Variants in IFT56 observed in about 807,000 individuals in gnomAD.
IFT56 encodes intraflagellar transport protein 56.
At chr7:139,160,144 C>T in the IFT56 span, among the ~76,000 whole-genome samples, 2 of 152,076 alleles carry the variant, frequency 1.3e-5, no homozygotes, top group African/African-American at 4.8e-5. Flanking sequence ...GACATGCACT[C>T]CCAACTATGA....
chr7:139,157,993 G>C, the IFT56 span, among the ~76,000 whole-genome samples: 2 of 152,038 alleles, frequency 1.3e-5, no homozygotes, highest in African/African-American at 4.8e-5. Flanking sequence ...GCCAAAGCAT[G>C]AGGAGTATGC....
the IFT56 span, among the ~76,000 whole-genome samples, chr7:139,172,308 G>A: frequency 2.0e-5 from 3 of 152,178 alleles, no homozygotes; most frequent in Non-Finnish European, 2.9e-5. Context: ...CAAGTGTTGT[G>A]TCAGAGCACT....
At chr7:139,151,075 G>C in the IFT56 span, among the ~76,000 whole-genome samples, 1 of 152,198 alleles carries the variant, frequency 6.6e-6, no homozygotes. Context: ...CTGCTTATTT[G>C]TTGAATGAGA....
the IFT56 span, among the ~76,000 whole-genome samples, chr7:139,144,852 A>G: frequency 4.4e-4 from 67 of 152,192 alleles, no homozygotes; most frequent in African/African-American, 1.5e-3. Flanking sequence ...TCTTAAATAT[A>G]TTGATAATAA....
At chr7:139,176,875 C>G in the IFT56 span, among the ~76,000 whole-genome samples, 1 of 151,928 alleles carries the variant, frequency 6.6e-6, no homozygotes, top group East Asian at 1.9e-4. Flanking sequence ...GCAGATGGAT[C>G]AGAAACACTA....
the IFT56 span, among the ~76,000 whole-genome samples, chr7:139,162,131 C>T: frequency 6.6e-6 from 1 of 152,084 alleles, no homozygotes; most frequent in Non-Finnish European, 1.5e-5. Context: ...GAAGGAGTAT[C>T]AACAAATGAA....
At chr7:139,174,288 CCCA>C in the IFT56 span, 4 of 565,484 alleles carry the variant, frequency 7.1e-6, no homozygotes, top group Non-Finnish European at 1.4e-5. Flanking sequence ...GGCAGGGCGT[CCCA>C]CGGGAGCCCA....
At chr7:139,137,999 AT>A in the IFT56 span, 1 of 999,220 alleles carries the variant, frequency 1.0e-6, no homozygotes, top group Admixed American at 2.1e-5. Flanking sequence ...ATTAAACTTT[AT>A]ATTATAATAA....
At chr7:139,143,793 A>G in the IFT56 span, among the ~76,000 whole-genome samples, 2 of 151,760 alleles carry the variant, frequency 1.3e-5, no homozygotes, top group Non-Finnish European at 2.9e-5. Flanking sequence ...TTTTGGATTG[A>G]TTTTTAAAAC....
chr7:139,171,922 A>G, the IFT56 span, among the ~76,000 whole-genome samples: 1 of 152,200 alleles, frequency 6.6e-6, no homozygotes, highest in African/African-American at 2.4e-5. Context: ...ATCTCAAACA[A>G]GAAACACAAT....
chr7:139,140,529 C>T, the IFT56 span, among the ~76,000 whole-genome samples: 1 of 151,994 alleles, frequency 6.6e-6, no homozygotes, highest in African/African-American at 2.4e-5. Context: ...CCTGTAATCC[C>T]AGCACTTTGG....
At chr7:139,135,564 A>G in the IFT56 span, among the ~76,000 whole-genome samples, 51 of 152,322 alleles carry the variant, frequency 3.3e-4, no homozygotes, top group Middle Eastern at 3.4e-3. Context: ...CTTTTAATAT[A>G]CATTGGAATT....
At chr7:139,148,850 G>A in the IFT56 span, among the ~76,000 whole-genome samples, 7 of 152,020 alleles carry the variant, frequency 4.6e-5, no homozygotes, top group African/African-American at 1.7e-4. Context: ...TCAGTGAGCC[G>A]AGATTGAGCC....
chr7:139,139,113 C>T, the IFT56 span, among the ~76,000 whole-genome samples: 16 of 152,078 alleles, frequency 1.1e-4, no homozygotes, highest in Non-Finnish European at 2.1e-4. Flanking sequence ...CGCCCAGCCA[C>T]ATTTCCTACA....
chr7:139,151,799 C>T, the IFT56 span, among the ~76,000 whole-genome samples: 8 of 152,202 alleles, frequency 5.3e-5, no homozygotes, highest in Non-Finnish European at 1.0e-4. Context: ...CAGTGGCTCA[C>T]GCCTGTAATC....
At chr7:139,149,089 A>G in the IFT56 span, among the ~76,000 whole-genome samples, 1 of 151,810 alleles carries the variant, frequency 6.6e-6, no homozygotes, top group Non-Finnish European at 1.5e-5. Flanking sequence ...GCGGATCACA[A>G]GGTCAGGAGA....
At chr7:139,169,261 C>A in the IFT56 span, 1 of 1,596,654 alleles carries the variant, frequency 6.3e-7, no homozygotes, top group East Asian at 2.2e-5. Flanking sequence ...TACCTTATTC[C>A]TCTATATCAG....
chr7:139,144,080 A>G, the IFT56 span, among the ~76,000 whole-genome samples: 1 of 152,190 alleles, frequency 6.6e-6, no homozygotes, highest in South Asian at 2.1e-4. Context: ...ATAATTAGCC[A>G]TATTTTTCCT....
At chr7:139,173,024 G>C in the IFT56 span, 7 of 729,390 alleles carry the variant, frequency 9.6e-6, no homozygotes, top group Admixed American at 3.6e-5. Flanking sequence ...GTGTGGCTCA[G>C]GGACCACCTC....
Sources: allele counts gnomAD v4.1 joint callset (sites outside exome capture counted in the v4.1 genomes callset), GRCh38; gene constraint gnomAD v4.1.1; transcripts MANE v1.5; gene names NCBI Gene and HGNC (gene_info 2026-07-23, HGNC 2026-07-21).